Variants in PTPN4 observed in about 807,000 individuals in gnomAD.
The protein encoded by PTPN4 is tyrosine-protein phosphatase non-receptor type 4.
In PTPN4, 49 loss-of-function variants were observed where a neutral mutation model predicts 135.5. The observed-to-expected ratio is 0.36, with a 90% CI of 0.29 to 0.46. The LOEUF (loss-of-function observed/expected upper bound fraction) is 0.46. Among genes scored for constraint, PTPN4 ranks in the 20% least tolerant of loss-of-function variants. The probability of loss-of-function intolerance (pLI) is 1.00; values close to 1 mark genes in which losing one functional copy is unlikely to be tolerated. For missense variants in PTPN4, 860 were observed against 1,101.0 expected, an observed-to-expected ratio of 0.78 and a Z score of 3.10; for synonymous variants, 333 against 369.9, an observed-to-expected ratio of 0.90 and a Z score of 1.14.
rs374924242 is a variant in PTPN4 at position 119,962,788 on chromosome 2, G to T, written c.2409+44G>T. The T allele has an allele frequency of 4.6e-4, 636 of 1,372,334 alleles. 10 individuals carry two copies. In the South Asian group the frequency reaches 9.8e-3, roughly 21 times the overall value. The allele number at this position is 1,372,334 out of a possible 1,614,324, so 85.0% of individuals were successfully genotyped here. A position where few individuals can be genotyped will look rare whatever the true frequency, so the allele number is the denominator to read the frequency against. ...TGTTCATTAGAACTGTTGTGTTCAG[G>T]GTAAAGACTGAAAGCTGAAAATGTT... On this transcript the variant is annotated intron_variant, in intron 24 of 26. Coordinates refer to ENST00000263708, the MANE Select transcript of PTPN4 (RefSeq NM_002830.4).
chr2:119,826,287 T>C (rs765611125), intron 2 of PTPN4, among the ~76,000 whole-genome samples: 3 of 152,374 alleles, frequency 2.0e-5, no homozygotes, highest in East Asian at 1.9e-4. Context: ...AGCTGCACTA[T>C]ACTTATTTTT....
chr2:119,774,910 T>A (rs1292610335), intron 1 of PTPN4, among the ~76,000 whole-genome samples: 1 of 151,412 alleles, frequency 6.6e-6, no homozygotes, highest in Non-Finnish European at 1.5e-5. Context: ...TCCCAGCTAC[T>A]CAGGAGGCTG....
At chr2:119,869,262 G>A in intron 3 of PTPN4, among the ~76,000 whole-genome samples, 1 of 152,192 alleles carries the variant, frequency 6.6e-6, no homozygotes, top group East Asian at 1.9e-4. Context: ...AAGAAGCACA[G>A]GAAACACTTT....
At chr2:119,801,379 C>T (rs555127283) in intron 1 of PTPN4, among the ~76,000 whole-genome samples, 9 of 152,112 alleles carry the variant, frequency 5.9e-5, no homozygotes, top group Non-Finnish European at 1.3e-4. Context: ...TGAGTCACTG[C>T]GCCTGGCCTT....
intron 6 of PTPN4, 61 bp from the exon 7 acceptor site, chr2:119,882,036 T>C: frequency 2.1e-6 from 3 of 1,426,894 alleles, no homozygotes; most frequent in Non-Finnish European, 3.0e-6. Flanking sequence ...TAACAAATTA[T>C]AGCACTTTTG....
chr2:119,804,412 A>G (rs903571475), intron 1 of PTPN4, among the ~76,000 whole-genome samples: 2 of 152,066 alleles, frequency 1.3e-5, no homozygotes, highest in African/African-American at 4.8e-5. Flanking sequence ...TATTTCTCCT[A>G]ATACCATCCC....
chr2:119,935,852 CAT>C (rs952930158), intron 15 of PTPN4, among the ~76,000 whole-genome samples: 10 of 152,066 alleles, frequency 6.6e-5, no homozygotes, highest in African/African-American at 2.2e-4. Flanking sequence ...ACTTCTGTGA[CAT>C]AAAAATGAAT....
At chr2:119,776,197 A>T (rs931663828) in intron 1 of PTPN4, among the ~76,000 whole-genome samples, 1 of 152,118 alleles carries the variant, frequency 6.6e-6, no homozygotes, top group African/African-American at 2.4e-5. Flanking sequence ...TTTTTTTGAG[A>T]CAGAGTCTCA....
intron 11 of PTPN4, among the ~76,000 whole-genome samples, chr2:119,917,810 C>T (rs1312740619): frequency 6.6e-6 from 1 of 152,172 alleles, no homozygotes; most frequent in African/African-American, 2.4e-5. Flanking sequence ...TGTTTTCTCT[C>T]TAAAACATCT....
At chr2:119,861,946 C>T (rs1016482063) in intron 2 of PTPN4, among the ~76,000 whole-genome samples, 8 of 151,916 alleles carry the variant, frequency 5.3e-5, no homozygotes, top group Non-Finnish European at 8.8e-5. Flanking sequence ...TATCAGTTTG[C>T]TATAAATAAT....
At chr2:119,844,746 G>A (rs1487897753) in intron 2 of PTPN4, among the ~76,000 whole-genome samples, 10 of 143,418 alleles carry the variant, frequency 7.0e-5, no homozygotes, top group East Asian at 2.1e-4. Flanking sequence ...GCGGCCGGGC[G>A]GAGACGCTCC....
At chr2:119,915,367 G>A (rs1179343514) in intron 11 of PTPN4, 125 bp downstream of exon 11, 10 of 669,814 alleles carry the variant, frequency 1.5e-5, no homozygotes, top group African/African-American at 5.7e-5. Context: ...ACTGCCCGCT[G>A]AGGTAATGAA....
chr2:119,825,749 G>A (rs1677137849), intron 2 of PTPN4, among the ~76,000 whole-genome samples: 1 of 152,070 alleles, frequency 6.6e-6, no homozygotes, highest in Admixed American at 6.6e-5. Context: ...ACCCACCTTG[G>A]CCTCCCAGAG....
chr2:119,784,543 T>C lies in PTPN4; in HGVS notation c.-18+24159T>C, dbSNP rs549857115. 9.9e-5 allele frequency among the ~76,000 whole-genome samples: 15 copies of C among 151,626 alleles called. No homozygotes were observed. The South Asian group carries it at 1.0e-3, about 11-fold the overall frequency. Reference sequence around the variant, plus strand: ...CTGGGACTACAGGCGCCTGCCACCATGCCCGGCTAATTTTTTGTATTTTTT... The same window carrying C: ...CTGGGACTACAGGCGCCTGCCACCACGCCCGGCTAATTTTTTGTATTTTTT... On this transcript the variant is annotated intron_variant, in intron 1 of 26. Coordinates refer to ENST00000263708, the MANE Select transcript of PTPN4 (RefSeq NM_002830.4).
At chr2:119,807,008 T>C (rs979453158) in intron 1 of PTPN4, among the ~76,000 whole-genome samples, 1 of 152,052 alleles carries the variant, frequency 6.6e-6, no homozygotes, top group African/African-American at 2.4e-5. Flanking sequence ...AAGGTAGAAA[T>C]AAAGATGTTA....
intron 2 of PTPN4, among the ~76,000 whole-genome samples, chr2:119,826,553 T>G (rs182484008): frequency 9.2e-5 from 14 of 152,338 alleles, no homozygotes; most frequent in African/African-American, 3.1e-4. Flanking sequence ...TGGGTGCTAC[T>G]GGCCTCTAGT....
At chr2:119,918,757 A>G (rs1361264846) in intron 11 of PTPN4, among the ~76,000 whole-genome samples, 1 of 152,244 alleles carries the variant, frequency 6.6e-6, no homozygotes, top group Non-Finnish European at 1.5e-5. Flanking sequence ...AAAAATGTGC[A>G]TATGTGTACA....
At chr2:119,896,458 C>T (rs993730989) in intron 9 of PTPN4, among the ~76,000 whole-genome samples, 1 of 152,054 alleles carries the variant, frequency 6.6e-6, no homozygotes, top group African/African-American at 2.4e-5. Flanking sequence ...ATTTGCTGTC[C>T]TCTCTATTTC....
chr2:119,820,623 A>C (rs1439496514), intron 2 of PTPN4, among the ~76,000 whole-genome samples: 1 of 152,178 alleles, frequency 6.6e-6, no homozygotes, highest in Non-Finnish European at 1.5e-5. Flanking sequence ...TCTAGAGAAG[A>C]AATTGCATCT....
Sources: allele counts gnomAD v4.1 joint callset (sites outside exome capture counted in the v4.1 genomes callset), GRCh38; gene constraint gnomAD v4.1.1; transcripts MANE v1.5; gene names NCBI Gene and HGNC (gene_info 2026-07-23, HGNC 2026-07-21).